SLC12A8: variants seen among roughly 807,000 people sequenced by gnomAD.
SLC12A8 encodes the protein cation-chloride cotransporter 9.
Under a neutral mutation model 75.6 loss-of-function variants are expected in SLC12A8, and 69 were observed. That is an observed-to-expected ratio of 0.91 (90% CI 0.75 to 1.11). The LOEUF is 1.11. Ranked by LOEUF, SLC12A8 falls within the 50% of genes most tolerant of loss-of-function variation. The pLI is 0.00. For synonymous variants in SLC12A8, 365 were observed against 372.8 expected (o/e 0.98, Z 0.24); for missense variants, 877 against 896.7 (o/e 0.98, Z 0.28).
At chr3:125,112,624 A>G (rs1354124614) in intron 8 of SLC12A8, among the ~76,000 whole-genome samples, 1 of 152,198 alleles carries the variant, frequency 6.6e-6, no homozygotes, top group Non-Finnish European at 1.5e-5. Context: ...GATAAGCTGG[A>G]TCCATTATCA....
intron 3 of SLC12A8, among the ~76,000 whole-genome samples, chr3:125,189,244 GC>G (rs1220260786): frequency 6.6e-6 from 1 of 152,200 alleles, no homozygotes; most frequent in African/African-American, 2.4e-5. Context: ...AATTCTTCCT[GC>G]ATTTCCAGCC....
intron 5 of SLC12A8, among the ~76,000 whole-genome samples, chr3:125,166,335 T>G (rs1399634900): frequency 1.3e-5 from 2 of 148,506 alleles, no homozygotes; most frequent in Non-Finnish European, 3.0e-5. Context: ...TCGTCTCTTT[T>G]CCACCCTAGA....
chr3:125,128,266 C>T (rs1244792047), intron 6 of SLC12A8, among the ~76,000 whole-genome samples: 57 of 142,800 alleles, frequency 4.0e-4, no homozygotes, highest in Admixed American at 9.9e-4. Flanking sequence ...CTGCAAGCTC[C>T]GCCTCCCGGG....
chr3:125,118,847 C>A lies in SLC12A8; in HGVS notation c.834G>T (p.Leu278=). Residue 278 remains leucine (L), a synonymous_variant, in exon 8 of 14, where the codon CTG becomes CTT. Transcript: ENST00000469902. ...CCAGGAGGAAGACGAAGATGATGTA[C>A]AGAAACCACCTGCAAAACCCAAGAG... ...SLAAVGISWF[L]YIIFVFLLGA... is the part of the protein sequence containing the mutation. The A allele has an allele frequency of 3.1e-6, 5 of 1,612,662 alleles. No homozygotes were observed. The highest frequency in any genetic ancestry group is 4.2e-6 in the Non-Finnish European group (5 of 1,178,892).
At chr3:125,111,983 G>T (rs1307793800) in intron 8 of SLC12A8, among the ~76,000 whole-genome samples, 1 of 152,152 alleles carries the variant, frequency 6.6e-6, no homozygotes, top group African/African-American at 2.4e-5. Flanking sequence ...ATTCTCACCA[G>T]CTCTTTATCT....
chr3:125,133,773 A>ACC (rs1933421432), intron 6 of SLC12A8, among the ~76,000 whole-genome samples: 1 of 152,140 alleles, frequency 6.6e-6, no homozygotes, highest in Admixed American at 6.5e-5. Context: ...GGGTCTCACT[A>ACC]TGTTGCCCAG....
intron 5 of SLC12A8, among the ~76,000 whole-genome samples, chr3:125,149,716 G>A (rs1276757638): frequency 6.6e-6 from 1 of 152,092 alleles, no homozygotes; most frequent in Non-Finnish European, 1.5e-5. Flanking sequence ...GAAATGGAAG[G>A]TGAGGAGGGA....
intron 12 of SLC12A8, among the ~76,000 whole-genome samples, chr3:125,090,269 A>G (rs1938553454): frequency 6.6e-6 from 1 of 152,200 alleles, no homozygotes; most frequent in Non-Finnish European, 1.5e-5. Flanking sequence ...CCCTCTGGTC[A>G]GAGAGCATAC....
At chr3:125,149,247 A>G (rs2107770132) in intron 5 of SLC12A8, among the ~76,000 whole-genome samples, 1 of 152,358 alleles carries the variant, frequency 6.6e-6, no homozygotes, top group East Asian at 1.9e-4. Context: ...AAACTTGACC[A>G]GGTCCCACGG....
chr3:125,165,791 G>C lies in SLC12A8; in HGVS notation c.622+11952C>G, dbSNP rs563866509. Among the ~76,000 whole-genome samples, 13 of 152,310 alleles carry C rather than the reference G, an allele frequency of 8.5e-5. No individual in the cohort carries two copies. In the East Asian group the frequency reaches 2.3e-3, roughly 27 times the overall value. ...CACCGTGCATCCTAGGAAGACCCCA[G>C]GCCTGGCCCTCCGCAGACACAGTGC... On this transcript the variant is annotated intron_variant, in intron 5 of 13. Coordinates refer to ENST00000469902, the MANE Select transcript of SLC12A8 (RefSeq NM_024628.6).
intron 10 of SLC12A8, among the ~76,000 whole-genome samples, chr3:125,106,896 C>T (rs190893121): frequency 8.1e-4 from 124 of 152,250 alleles, no homozygotes; most frequent in Non-Finnish European, 1.2e-3. Flanking sequence ...TTATATTACA[C>T]GAAGTAATAG....
At chr3:125,210,750 A>G (rs1461803901) in intron 2 of SLC12A8, among the ~76,000 whole-genome samples, 1 of 152,156 alleles carries the variant, frequency 6.6e-6, no homozygotes, top group Non-Finnish European at 1.5e-5. Context: ...ACACTTTAGT[A>G]TGGTTTATTA....
chr3:125,090,622 C>T (rs907721135), intron 12 of SLC12A8, among the ~76,000 whole-genome samples: 1 of 152,126 alleles, frequency 6.6e-6, no homozygotes, highest in African/African-American at 2.4e-5. Flanking sequence ...AAATGTTAAG[C>T]TTTGTTATGT....
chr3:125,122,849 A>C (rs1933098081), intron 6 of SLC12A8, among the ~76,000 whole-genome samples: 1 of 152,222 alleles, frequency 6.6e-6, no homozygotes, highest in African/African-American at 2.4e-5. Flanking sequence ...TGGAAGAAAC[A>C]TAAATCAGGA....
At chr3:125,200,188 C>T (rs183667729) in intron 2 of SLC12A8, among the ~76,000 whole-genome samples, 1 of 152,276 alleles carries the variant, frequency 6.6e-6, no homozygotes, top group African/African-American at 2.4e-5. Flanking sequence ...GTGGCTCACA[C>T]CAGTAATCCC....
At chr3:125,129,792 G>C (rs6802362) in intron 6 of SLC12A8, among the ~76,000 whole-genome samples, 2,576 of 152,242 alleles carry the variant, frequency 0.017, 26 homozygotes, top group Non-Finnish European at 0.026. Context: ...TAGCTTAACC[G>C]AACATCTGCC....
intron 2 of SLC12A8, among the ~76,000 whole-genome samples, chr3:125,208,900 T>C (rs545519262): frequency 1.3e-5 from 2 of 151,560 alleles, no homozygotes; most frequent in African/African-American, 4.8e-5. Flanking sequence ...AACTTCCAAG[T>C]GTCCCCACCC....
In SLC12A8 at chr3:125,135,725, T is replaced by C; in HGVS notation, c.680A>G (p.Tyr227Cys). ...ELLQNNTLPDYSPGESFFTVF... is the reference protein window; with the variant it reads ...ELLQNNTLPDCSPGESFFTVF... ...AGTGAAAAAAGATTCCCCCGGGCTG[T>C]AATCGGGCAGCGTGTTGTTCTGTAG... The change falls in exon 6 of 14, where the codon TAC becomes TGC. Residue 227 changes from tyrosine (Y) to cysteine (C), a missense_variant. Physicochemically the swap from Tyr to Cys is radical, Grantham distance 194. Coordinates refer to ENST00000469902, the MANE Select transcript of SLC12A8 (RefSeq NM_024628.6). 6.2e-7 allele frequency: 1 copy of C among 1,610,688 alleles called. No homozygotes were observed.
intron 5 of SLC12A8, among the ~76,000 whole-genome samples, chr3:125,172,427 C>G (rs1393040282): frequency 6.6e-6 from 1 of 152,046 alleles, no homozygotes; most frequent in Non-Finnish European, 1.5e-5. Context: ...CAGGAAAGAA[C>G]CACATGGACC....
Sources: gnomAD v4.1 joint callset for allele counts (sites outside exome capture counted in the v4.1 genomes callset) on GRCh38, gnomAD v4.1.1 for gene constraint, MANE v1.5 for transcripts, NCBI Gene and HGNC (gene_info 2026-07-23, HGNC 2026-07-21) for gene names.